The following ABCG1 variants were observed in gnomAD, a reference collection of about 807,000 sequenced individuals.
ABCG1 encodes the protein ATP-binding cassette sub-family G member 1.
A neutral mutation model predicts 69.2 loss-of-function variants in ABCG1; 29 were observed. The observed-to-expected ratio is 0.42, with a 90% CI of 0.31 to 0.57. The LOEUF is 0.57. Ranked by LOEUF, ABCG1 falls within the 20% of genes least tolerant of loss-of-function variation. The probability of loss-of-function intolerance (pLI) is 0.15; values close to 1 mark genes in which losing one functional copy is unlikely to be tolerated. For missense variants in ABCG1, 718 were observed against 898.1 expected, an observed-to-expected ratio of 0.80 and a Z score of 2.56; for synonymous variants, 370 against 374.8, an observed-to-expected ratio of 0.99 and a Z score of 0.15.
At chr21:42,214,026 G>A (rs1051923434), upstream of ABCG1, among the ~76,000 whole-genome samples, 2 of 152,230 alleles carry the variant, frequency 1.3e-5, no homozygotes, top group Admixed American at 1.3e-4. Context: ...GCCCTATTGA[G>A]ATGGAATGAA....
intron 6 of ABCG1, among the ~76,000 whole-genome samples, chr21:42,284,241 C>T (rs1209152610): frequency 2.7e-5 from 4 of 149,428 alleles, no homozygotes; most frequent in South Asian, 2.2e-4. Context: ...ACCTCTGTCC[C>T]GCCTGGATAG....
chr21:42,276,118 G>T lies in ABCG1; in HGVS notation c.538-777G>T, dbSNP rs897759472. On this transcript the variant is annotated intron_variant, in intron 4 of 14. Transcript: ENST00000398449. The surrounding 1 kb of genome is among the most constrained non-coding windows in gnomAD (Gnocchi z 5.3). ...TTGTGCCAGTGAGGAAATGGAGGTT[G>T]CACGTTTGCCCAAGGCCACGGGAGG... Among the ~76,000 whole-genome samples the T allele has an allele frequency of 6.6e-6, 1 of 152,114 alleles. No individual in the cohort carries two copies. The highest frequency in any genetic ancestry group is 2.4e-5 in the African/African-American group (1 of 41,398).
intron 2 of ABCG1, among the ~76,000 whole-genome samples, chr21:42,209,941 G>T (rs957099157): frequency 6.6e-6 from 1 of 152,180 alleles, no homozygotes; most frequent in Admixed American, 6.5e-5. Context: ...AGTTAAAAAT[G>T]GTTGCCCAGC....
At chr21:42,262,253 C>T (rs1356934067) in intron 2 of ABCG1, among the ~76,000 whole-genome samples, 2 of 152,148 alleles carry the variant, frequency 1.3e-5, no homozygotes, top group Non-Finnish European at 2.9e-5. Context: ...CTTGAGTCCT[C>T]CGTAAGGGAC....
intron 6 of ABCG1, among the ~76,000 whole-genome samples, chr21:42,283,280 T>C (rs1273035390): frequency 2.0e-5 from 3 of 152,200 alleles, no homozygotes; most frequent in African/African-American, 7.2e-5. Flanking sequence ...ACAGTGTCTA[T>C]AAGATACTTC....
chr21:42,291,728 G>A lies in ABCG1; in HGVS notation c.1653+72G>A, dbSNP rs539283354. 90 of 1,470,568 alleles carry A rather than the reference G, an allele frequency of 6.1e-5. No individual in the cohort carries two copies. The highest frequency in any genetic ancestry group is 7.7e-5 in the Non-Finnish European group (85 of 1,107,428). The allele number at this position is 1,470,568 out of a possible 1,614,324, so 91.1% of individuals were successfully genotyped here. A position where few individuals can be genotyped will look rare whatever the true frequency, so the allele number is the denominator to read the frequency against. ...CCTGAGCTACCTTGGCCTGAGCTAG[G>A]GGGCTCTGCCACCCCTTCCCCTACT... On this transcript the variant is annotated intron_variant, in intron 13 of 14. Transcript: ENST00000398449. The surrounding 1 kb of genome is among the most constrained non-coding windows in gnomAD (Gnocchi z 6.4).
intron 6 of ABCG1, among the ~76,000 whole-genome samples, chr21:42,282,857 C>T (rs900051948): frequency 6.6e-6 from 1 of 151,966 alleles, no homozygotes; most frequent in African/African-American, 2.4e-5. Context: ...CTCACCAGCT[C>T]TCTATACCCA....
chr21:42,204,952 T>A (rs917734553), intron 2 of ABCG1, among the ~76,000 whole-genome samples: 1 of 152,140 alleles, frequency 6.6e-6, no homozygotes, highest in Non-Finnish European at 1.5e-5. Flanking sequence ...GTTAATTTTT[T>A]AAAATGTTTG....
chr21:42,275,687 A>C (rs116938613), intron 4 of ABCG1, among the ~76,000 whole-genome samples: 110 of 152,268 alleles, frequency 7.2e-4, no homozygotes, highest in Non-Finnish European at 1.2e-3. Flanking sequence ...CTCGCCACCG[A>C]ACCTGCTGTG....
intron 6 of ABCG1, 115 bp downstream of exon 6, chr21:42,282,534 T>A: frequency 7.8e-7 from 1 of 1,283,430 alleles, no homozygotes; most frequent in Non-Finnish European, 1.0e-6. Flanking sequence ...TGAGTTGAGC[T>A]CACCCGGCGG....
In ABCG1 at chr21:42,288,097, T is replaced by G. The variant is rs1487173803; in HGVS notation, c.1122+60T>G. ...AGGTAATGCAAATCCCGAAGCCCCC[T>G]GGGGGAGGCTGCACGTGGCACCGTG... On this transcript the variant is annotated intron_variant, in intron 9 of 14. Transcript: ENST00000398449. The surrounding 1 kb of genome is among the most constrained non-coding windows in gnomAD (Gnocchi z 4.8). 5 of 1,606,506 alleles carry G rather than the reference T, an allele frequency of 3.1e-6. No homozygotes were observed. In the East Asian group the frequency reaches 9.0e-5, roughly 29 times the overall value.
chr21:42,204,103 C>A (rs1173214941), intron 2 of ABCG1, among the ~76,000 whole-genome samples: 1 of 152,194 alleles, frequency 6.6e-6, no homozygotes, highest in African/African-American at 2.4e-5. Context: ...TATCCTGCAA[C>A]CTTGCTTGAA....
upstream of ABCG1, among the ~76,000 whole-genome samples, chr21:42,213,617 C>CT (rs764307429): frequency 5.9e-5 from 9 of 152,368 alleles, no homozygotes; most frequent in East Asian, 3.9e-4. Context: ...CCCATGAGAG[C>CT]TGCAGTATGG....
intron 1 of ABCG1, 116 bp from the exon 2 acceptor site, chr21:42,225,555 T>A: frequency 7.5e-7 from 1 of 1,324,788 alleles, no homozygotes; most frequent in Non-Finnish European, 1.0e-6. Flanking sequence ...GCTCCTGCAG[T>A]GGAAGAAGTG....
intron 2 of ABCG1, among the ~76,000 whole-genome samples, chr21:42,267,473 G>C (rs1244756007): frequency 1.3e-5 from 2 of 149,666 alleles, no homozygotes; most frequent in Non-Finnish European, 3.0e-5. Flanking sequence ...TCTGGGTTCT[G>C]TCTGGGTCTG....
intron 2 of ABCG1, among the ~76,000 whole-genome samples, chr21:42,240,251 A>G (rs2068032432): frequency 6.6e-6 from 1 of 152,212 alleles, no homozygotes; most frequent in Non-Finnish European, 1.5e-5. Flanking sequence ...GCCTGGAGAC[A>G]GGTGGGCGAT....
At chr21:42,255,430 G>A (rs1273214013) in intron 2 of ABCG1, among the ~76,000 whole-genome samples, 2 of 152,110 alleles carry the variant, frequency 1.3e-5, no homozygotes, top group African/African-American at 4.8e-5. Flanking sequence ...TGGTGTGAGT[G>A]CACACATGTC....
At chr21:42,294,521 C>G in intron 13 of ABCG1, 21 bp from the exon 14 acceptor site, 1 of 1,594,712 alleles carries the variant, frequency 6.3e-7, no homozygotes, top group Non-Finnish European at 8.6e-7. Flanking sequence ...CTACATCTGT[C>G]CTGTGTGCCC....
At chr21:42,241,604 C>CA (rs11330761) in intron 2 of ABCG1, among the ~76,000 whole-genome samples, 3,543 of 130,504 alleles carry the variant, frequency 0.027, 119 homozygotes, top group African/African-American at 0.086. Flanking sequence ...GACCCTGTCT[C>CA]AAAAAAAAAA....
Sources: allele counts gnomAD v4.1 joint callset (sites outside exome capture counted in the v4.1 genomes callset), GRCh38; gene constraint gnomAD v4.1.1; non-coding constraint Gnocchi (gnomAD v3.1); transcripts MANE v1.5; gene names NCBI Gene and HGNC (gene_info 2026-07-23, HGNC 2026-07-21).